The following PDE11A variants were observed in gnomAD, a reference collection of about 807,000 sequenced individuals.
PDE11A encodes dual 3',5'-cyclic-AMP and -GMP phosphodiesterase 11A.
PDE11A carries 100 observed loss-of-function variants against 100.5 expected under a neutral mutation model. The observed-to-expected ratio is 1.00, with a 90% CI of 0.85 to 1.18. PDE11A has a LOEUF of 1.18. PDE11A is among the 50% of genes most tolerant of loss of function. The pLI, the probability that PDE11A is intolerant of heterozygous loss-of-function variation, is 0.00. For synonymous variants in PDE11A, 381 were observed against 420.8 expected (o/e 0.91, Z 1.16); for missense variants, 1,141 against 1,152.6 (o/e 0.99, Z 0.15).
rs570455793 is a variant in PDE11A, at chr2:177,983,338, A to C, written c.1071+30964T>G. On this transcript the variant is annotated intron_variant, in intron 2 of 19. Transcript: ENST00000286063. Reference sequence around the variant, plus strand: ...AATTTTAGATTCAGCCCCATTGAGGACCTGCTGTGTTTGTTAAGTGGGCAG... The same window carrying C: ...AATTTTAGATTCAGCCCCATTGAGGCCCTGCTGTGTTTGTTAAGTGGGCAG... 1.2e-3 allele frequency among the ~76,000 whole-genome samples: 177 copies of C among 152,236 alleles called. 1 individual carries two copies. The highest frequency in any genetic ancestry group is 2.2e-3 in the Non-Finnish European group (149 of 68,028).
intron 10 of PDE11A, among the ~76,000 whole-genome samples, chr2:177,747,379 C>T (rs1264081164): frequency 6.6e-6 from 1 of 152,202 alleles, no homozygotes; most frequent in Non-Finnish European, 1.5e-5. Context: ...GACACATTTG[C>T]TTTTGGCTCT....
chr2:177,997,292 T>G, intron 2 of PDE11A: 1 of 1,026,322 alleles, frequency 9.7e-7, no homozygotes. Flanking sequence ...GTTGCCCAAA[T>G]TGCTGCTATA....
chr2:177,998,174 C>T, intron 2 of PDE11A: 1 of 919,184 alleles, frequency 1.1e-6, no homozygotes, highest in Admixed American at 1.7e-5. Context: ...CTTTTTAACC[C>T]AGACAGTAAT....
chr2:177,639,877 T>G (rs1574088015), intron 19 of PDE11A, among the ~76,000 whole-genome samples: 1 of 152,208 alleles, frequency 6.6e-6, no homozygotes, highest in South Asian at 2.1e-4. Flanking sequence ...GAAAGGGGCA[T>G]AGAGGAACCC....
intron 4 of PDE11A, among the ~76,000 whole-genome samples, chr2:177,896,275 A>G (rs2084610778): frequency 6.6e-6 from 1 of 152,230 alleles, no homozygotes; most frequent in Admixed American, 6.5e-5. Flanking sequence ...CTCTGCCCCA[A>G]CATTCTATAT....
At chr2:177,820,375 CAG>C in intron 6 of PDE11A, 80 bp from the exon 7 acceptor site, 4 of 843,142 alleles carry the variant, frequency 4.7e-6, no homozygotes, top group Non-Finnish European at 8.0e-6. Context: ...TTTTTCATAA[CAG>C]ATATTCAAAA....
At chr2:177,776,090 G>C (rs1211369834) in intron 9 of PDE11A, among the ~76,000 whole-genome samples, 1 of 152,068 alleles carries the variant, frequency 6.6e-6, no homozygotes, top group Non-Finnish European at 1.5e-5. Flanking sequence ...TTAATGGCCT[G>C]AATTAGTGTA....
chr2:177,738,276 G>C (rs143933949), intron 10 of PDE11A, among the ~76,000 whole-genome samples: 7 of 152,236 alleles, frequency 4.6e-5, no homozygotes, highest in African/African-American at 1.7e-4. Flanking sequence ...ATCCCTCCAA[G>C]AAGAAGGTAG....
intron 19 of PDE11A, among the ~76,000 whole-genome samples, chr2:177,656,999 T>C (rs2080398422): frequency 6.6e-6 from 1 of 152,148 alleles, no homozygotes; most frequent in African/African-American, 2.4e-5. Flanking sequence ...CTTCGGAAGG[T>C]ACCTTATAGA....
rs758194850 is a variant in PDE11A at position 177,728,030 on chromosome 2, T to C, written c.1931A>G (p.Tyr644Cys). ...CACCCAAGACAGACATCTTACCTCA[T>C]AGTCAATTTTAAATTTCTGTACCAT... ...LGMVQKFKID[Y>C]ETLCRWLLTV... is the part of the protein sequence containing the mutation. The change falls in exon 11 of 20, where the codon TAT becomes TGT. Residue 644 changes from tyrosine (Y) to cysteine (C), a missense_variant. Transcript: ENST00000286063. 5.0e-6 allele frequency: 8 copies of C among 1,612,798 alleles called. No individual in the cohort carries two copies. The highest frequency in any genetic ancestry group is 2.7e-5 in the African/African-American group (2 of 74,858).
intron 9 of PDE11A, among the ~76,000 whole-genome samples, chr2:177,780,992 G>T (rs1248672494): frequency 1.3e-5 from 2 of 152,218 alleles, no homozygotes; most frequent in Non-Finnish European, 2.9e-5. Flanking sequence ...CAACTTGGTT[G>T]TTTGGCATAA....
At chr2:177,637,290 T>G (rs1173579713) in intron 19 of PDE11A, among the ~76,000 whole-genome samples, 1 of 152,178 alleles carries the variant, frequency 6.6e-6, no homozygotes, top group Non-Finnish European at 1.5e-5. Flanking sequence ...CTGACTCTAA[T>G]GCATTGTGTA....
chr2:177,850,430 C>A (rs1207994133), intron 5 of PDE11A, among the ~76,000 whole-genome samples: 1 of 152,088 alleles, frequency 6.6e-6, no homozygotes, highest in Non-Finnish European at 1.5e-5. Context: ...ACCATAAAAA[C>A]CCTAGAAGAA....
chr2:178,017,021 C>T (rs2086347285), intron 1 of PDE11A, among the ~76,000 whole-genome samples: 1 of 152,192 alleles, frequency 6.6e-6, no homozygotes. Context: ...TGTTCTCCTC[C>T]CAACTAAAAT....
At chr2:177,697,737 A>C (rs1286017071) in intron 14 of PDE11A, among the ~76,000 whole-genome samples, 2 of 152,144 alleles carry the variant, frequency 1.3e-5, no homozygotes, top group Non-Finnish European at 2.9e-5. Context: ...CTGACTACCC[A>C]TTTCCTATGG....
At chr2:177,760,680 C>T (rs926714449) in intron 10 of PDE11A, among the ~76,000 whole-genome samples, 1 of 152,150 alleles carries the variant, frequency 6.6e-6, no homozygotes, top group African/African-American at 2.4e-5. Flanking sequence ...ACCAAAAGGT[C>T]TGGTGGTTAC....
intron 10 of PDE11A, among the ~76,000 whole-genome samples, chr2:177,730,815 T>C (rs1453660203): frequency 2.0e-5 from 3 of 152,204 alleles, no homozygotes; most frequent in Admixed American, 6.5e-5. Context: ...TCCTTTTTTA[T>C]TGTGGTAAAA....
In PDE11A at chr2:177,727,649, C is replaced by G; in HGVS notation, c.2043+9G>C. ...GAAATGATCTTCCACCATCACTAAG[C>G]ACACTTACGGTTAACATCGCGAACA... On this transcript the variant is annotated intron_variant, in intron 12 of 19. Coordinates refer to ENST00000286063, the MANE Select transcript of PDE11A (RefSeq NM_016953.4). 1 of 1,478,948 alleles carries G rather than the reference C, an allele frequency of 6.8e-7. No homozygotes were observed. The highest frequency in any genetic ancestry group is 9.5e-7 in the Non-Finnish European group (1 of 1,056,678). 91.6% of individuals were successfully genotyped at this position (1,478,948 alleles called of 1,614,324 possible). A position where few individuals can be genotyped will look rare whatever the true frequency, so the allele number is the denominator to read the frequency against.
In PDE11A at chr2:178,043,573, A is replaced by C. The variant is rs549022013; in HGVS notation, c.912+27953T>G. On this transcript the variant is annotated intron_variant, in intron 1 of 19. Coordinates refer to ENST00000286063, the MANE Select transcript of PDE11A (RefSeq NM_016953.4). ...TAGCCTTTAAAACAGGCACTAAATG[A>C]GACTTGTGATCAGTTTAAACTGCAA... Among the ~76,000 whole-genome samples the C allele has an allele frequency of 2.6e-5, 4 of 152,298 alleles. No individual in the cohort carries two copies. The East Asian group carries it at 7.7e-4, about 29-fold the overall frequency.
Sources: gnomAD v4.1 joint callset for allele counts (sites outside exome capture counted in the v4.1 genomes callset) on GRCh38, gnomAD v4.1.1 for gene constraint, MANE v1.5 for transcripts, NCBI Gene and HGNC (gene_info 2026-07-23, HGNC 2026-07-21) for gene names.